The following STARD13 variants were observed in gnomAD, a reference collection of about 807,000 sequenced individuals.
STARD13 encodes stAR-related lipid transfer protein 13.
In STARD13, 62 loss-of-function variants were observed where a neutral mutation model predicts 106.4. The observed-to-expected ratio is 0.58, with a 90% CI of 0.48 to 0.72. The LOEUF is 0.72. Among genes scored for constraint, STARD13 ranks in the 30% least tolerant of loss-of-function variants. STARD13 has a pLI of 0.00. For missense variants in STARD13, 1,387 were observed against 1,424.0 expected (o/e 0.97, Z 0.42); for synonymous variants, 565 against 553.0 (o/e 1.02, Z -0.31).
At chr13:33,519,220 C>CTTTCTTT in the STARD13 span, among the ~76,000 whole-genome samples, 1 of 135,010 alleles carries the variant, frequency 7.4e-6, no homozygotes, top group South Asian at 2.5e-4. Flanking sequence ...TTCTTTCTTT[C>CTTTCTTT]TTTCTTTCTT....
the STARD13 span, among the ~76,000 whole-genome samples, chr13:33,549,343 G>A: frequency 2.0e-5 from 3 of 152,152 alleles, no homozygotes; most frequent in South Asian, 2.1e-4. Flanking sequence ...AAATATACTC[G>A]GTCATTGAAT....
the STARD13 span, among the ~76,000 whole-genome samples, chr13:33,436,751 T>C: frequency 6.6e-6 from 1 of 152,168 alleles, no homozygotes; most frequent in Admixed American, 6.5e-5. Context: ...GTGAAAGCAA[T>C]AATGACTGGC....
chr13:33,210,083 T>C (rs1279472853), intron 1 of STARD13, among the ~76,000 whole-genome samples: 1 of 152,202 alleles, frequency 6.6e-6, no homozygotes, highest in Non-Finnish European at 1.5e-5. Flanking sequence ...CAGTGTTCTT[T>C]GAAGGGGCAA....
the STARD13 span, among the ~76,000 whole-genome samples, chr13:33,418,461 C>T: frequency 3.3e-5 from 5 of 152,334 alleles, no homozygotes; most frequent in East Asian, 1.9e-4. Flanking sequence ...TGGAGCCCAC[C>T]GCAGCTCAGC....
chr13:33,613,463 G>T, the STARD13 span, among the ~76,000 whole-genome samples: 6 of 152,224 alleles, frequency 3.9e-5, no homozygotes, highest in Non-Finnish European at 7.3e-5. Context: ...GTGCAGTAAG[G>T]TGGTGTGAGG....
chr13:33,609,021 G>A, the STARD13 span, among the ~76,000 whole-genome samples: 1 of 145,232 alleles, frequency 6.9e-6, no homozygotes, highest in Admixed American at 7.0e-5. Flanking sequence ...GGGAGGCGGA[G>A]CTTGCAGTGA....
intron 1 of STARD13, among the ~76,000 whole-genome samples, chr13:33,293,880 A>T (rs1280314246): frequency 6.6e-6 from 1 of 152,214 alleles, no homozygotes; most frequent in Non-Finnish European, 1.5e-5. Context: ...CTCAGCTTGC[A>T]GACAGCCAAT....
the STARD13 span, among the ~76,000 whole-genome samples, chr13:33,507,626 C>T: frequency 1.3e-5 from 2 of 152,020 alleles, no homozygotes; most frequent in African/African-American, 4.8e-5. Flanking sequence ...TGCTGACCCC[C>T]AACACTGTCA....
chr13:33,317,095 GTCC>G (rs1459894708), intron 1 of STARD13, among the ~76,000 whole-genome samples: 2 of 152,114 alleles, frequency 1.3e-5, no homozygotes, highest in East Asian at 3.9e-4. Context: ...CTCATTCCCT[GTCC>G]TCCTCTCTTC....
chr13:33,132,301 C>A (rs1878416973), intron 4 of STARD13, among the ~76,000 whole-genome samples: 1 of 152,082 alleles, frequency 6.6e-6, no homozygotes, highest in Admixed American at 6.5e-5. Flanking sequence ...ATGGGAGGGA[C>A]CCGGTGGGAG....
In STARD13 at chr13:33,165,402, G is replaced by T. The variant is rs766632570; in HGVS notation, c.258C>A (p.Ile86=). 22 of 1,613,344 alleles carry T rather than the reference G, an allele frequency of 1.4e-5. No individual in the cohort carries two copies. The highest frequency in any genetic ancestry group is 1.7e-5 in the Non-Finnish European group (20 of 1,179,436). The change falls in exon 3 of 14, where the codon ATC becomes ATA. Residue 86 remains isoleucine (I), a synonymous_variant. Transcript: ENST00000336934. ...GATCATTCTTGACAGCCACAATGTT[G>T]ATGGGAAATTGTGAATCTGAGAGAG... ...AQLYEDSQFP[I]NIVAVKNDHD... is the part of the protein sequence containing the mutation.
the STARD13 span, among the ~76,000 whole-genome samples, chr13:33,516,877 G>A: frequency 6.6e-6 from 1 of 150,856 alleles, no homozygotes; most frequent in East Asian, 2.0e-4. Context: ...GCAGTTCGAG[G>A]TTGTAGTGAG....
At chr13:33,418,319 C>T in the STARD13 span, among the ~76,000 whole-genome samples, 8 of 152,358 alleles carry the variant, frequency 5.3e-5, no homozygotes, top group Non-Finnish European at 1.0e-4. Flanking sequence ...CCCACGCCCA[C>T]GGAGCCTTGC....
chr13:33,391,186 A>T, the STARD13 span, among the ~76,000 whole-genome samples: 1 of 152,192 alleles, frequency 6.6e-6, no homozygotes, highest in Non-Finnish European at 1.5e-5. Context: ...AATGGAAAAC[A>T]ATTTAGATCA....
intron 1 of STARD13, among the ~76,000 whole-genome samples, chr13:33,320,700 T>C (rs768528282): frequency 2.6e-5 from 4 of 152,162 alleles, no homozygotes; most frequent in Admixed American, 2.6e-4. Context: ...CCAGGTATGG[T>C]ATCTTGCACT....
At chr13:33,153,150 C>A (rs1016629076) in intron 3 of STARD13, among the ~76,000 whole-genome samples, 2 of 152,168 alleles carry the variant, frequency 1.3e-5, no homozygotes. Flanking sequence ...AGGCTGTTTT[C>A]TTCCAGGTTC....
the STARD13 span, among the ~76,000 whole-genome samples, chr13:33,405,775 G>A: frequency 6.6e-6 from 1 of 152,178 alleles, no homozygotes; most frequent in African/African-American, 2.4e-5. Flanking sequence ...GTCATTCTGT[G>A]TCATCATATT....
intron 1 of STARD13, among the ~76,000 whole-genome samples, chr13:33,173,732 T>C (rs990399142): frequency 1.3e-5 from 2 of 152,236 alleles, no homozygotes; most frequent in Admixed American, 1.3e-4. Flanking sequence ...ATATTCAAAA[T>C]AGTGGATCAA....
At chr13:33,395,110 G>A in the STARD13 span, among the ~76,000 whole-genome samples, 4 of 152,174 alleles carry the variant, frequency 2.6e-5, no homozygotes, top group South Asian at 2.1e-4. Context: ...ACATGGGTGG[G>A]CAGAGTAGCT....
Sources: allele counts gnomAD v4.1 joint callset (sites outside exome capture counted in the v4.1 genomes callset), GRCh38; gene constraint gnomAD v4.1.1; transcripts MANE v1.5; gene names NCBI Gene and HGNC (gene_info 2026-07-23, HGNC 2026-07-21).